Variants in NCF4 observed in about 807,000 individuals in gnomAD.
NCF4 encodes neutrophil cytosol factor 4.
NCF4 carries 30 observed loss-of-function variants against 41.7 expected under a neutral mutation model. The ratio of observed to expected loss-of-function variants is 0.72; its 90% confidence interval spans 0.54 to 0.97. The LOEUF is 0.97. Ranked by LOEUF, NCF4 falls within the 50% of genes least tolerant of loss-of-function variation. NCF4 has a pLI of 0.00. For synonymous variants in NCF4, 195 were observed against 175.8 expected (o/e 1.11, Z -0.87); for missense variants, 432 against 460.9 (o/e 0.94, Z 0.57).
chr22:36,865,049 C>T lies in NCF4; in HGVS notation c.248C>T (p.Ala83Val). Residue 83 changes from alanine (A) to valine (V), a missense_variant, in exon 3 of 10, where the codon GCC becomes GTC. Coordinates refer to ENST00000248899, the MANE Select transcript of NCF4 (RefSeq NM_000631.5). The surrounding 1 kb of genome is among the most constrained non-coding windows in gnomAD (Gnocchi z 4.3). ...CCAGACAGCAAGAGCAGTGCCCTGG[C>T]CTGTACCCTGCCCACACTCCCAGGT... ...FGPDSKSSALACTLPTLPAKV... is the reference protein window; with the variant it reads ...FGPDSKSSALVCTLPTLPAKV... 6.2e-7 allele frequency: 1 copy of T among 1,612,406 alleles called. No individual in the cohort carries two copies. The highest frequency in any genetic ancestry group is 8.5e-7 in the Non-Finnish European group (1 of 1,180,016).
At chr22:36,862,995 C>T (rs1390697424) in intron 1 of NCF4, among the ~76,000 whole-genome samples, 1 of 152,148 alleles carries the variant, frequency 6.6e-6, no homozygotes, top group Non-Finnish European at 1.5e-5. Context: ...GTGTCTTGAG[C>T]CAGAACATCC....
At position 36,861,103 on chromosome 22, in the gene NCF4, G is replaced by C. The variant is rs1939763516; in HGVS notation, c.-69G>C. On this transcript the variant is annotated 5_prime_UTR_variant, in exon 1 of 10. Transcript: ENST00000248899. Reference sequence around the variant, plus strand: ...GAGACGCAGGGTGGCTGGAGGAAGTGAGAGGTGAACTCAGCCTGGGACTGG... The same window carrying C: ...GAGACGCAGGGTGGCTGGAGGAAGTCAGAGGTGAACTCAGCCTGGGACTGG... 6.5e-7 allele frequency: 1 copy of C among 1,542,126 alleles called. No homozygotes were observed. Among genetic ancestry groups the C allele is most frequent in the Non-Finnish European group, 8.8e-7 (1 of 1,138,676 alleles).
At chr22:36,871,947 G>A (rs998253434) in intron 6 of NCF4, among the ~76,000 whole-genome samples, 17 of 152,244 alleles carry the variant, frequency 1.1e-4, no homozygotes, top group African/African-American at 4.8e-5. Flanking sequence ...CCATCCCTAC[G>A]CTCATCCGGA....
chr22:36,877,159 T>G (rs2145729291), intron 9 of NCF4, among the ~76,000 whole-genome samples: 1 of 152,114 alleles, frequency 6.6e-6, no homozygotes, highest in Middle Eastern at 3.4e-3. Context: ...TTTTTTGAGA[T>G]GGAGTCTCAC....
Position 36,865,767 on chromosome 22 carries a change from C to T in NCF4, c.271+695C>T, listed in dbSNP as rs189395168. On this transcript the variant is annotated intron_variant, in intron 3 of 9. Coordinates refer to ENST00000248899, the MANE Select transcript of NCF4 (RefSeq NM_000631.5). This position sits in a 1 kb window ranked among gnomAD's most constrained non-coding sequence, Gnocchi z 4.3. ...GACAGGGACAATTGTCTCCCTTCCC[C>T]AAGCCTCAGGGACCCTTCCCCAAGC... 2.9e-3 allele frequency among the ~76,000 whole-genome samples: 441 copies of T among 152,310 alleles called. 9 individuals carry two copies. The highest frequency in any genetic ancestry group is 1.1e-3 in the Non-Finnish European group (75 of 68,024).
intron 1 of NCF4, 58 bp downstream of exon 1, chr22:36,861,261 G>A (rs1939769099): frequency 1.3e-6 from 2 of 1,530,230 alleles, no homozygotes; most frequent in Non-Finnish European, 1.8e-6. Flanking sequence ...TAGGCCTTAG[G>A]GACAAAGGCC....
chr22:36,866,946 C>T (rs571545056), intron 3 of NCF4, among the ~76,000 whole-genome samples: 60 of 152,070 alleles, frequency 3.9e-4, no homozygotes, highest in Non-Finnish European at 7.9e-4. Context: ...GTCCTGCCCC[C>T]GGAGATTCTG....
At position 36,861,041 on chromosome 22, in the gene NCF4, G is replaced by A; in HGVS notation, c.-131G>A. On this transcript the variant is annotated 5_prime_UTR_variant, in exon 1 of 10. Coordinates refer to ENST00000248899, the MANE Select transcript of NCF4 (RefSeq NM_000631.5). ...GAAGCAGGCCTGAGCCTCCCCAAAGGCAGCTCCTGGGGACTCCCAGGACCA... is the reference window on the plus strand; with the variant it reads ...GAAGCAGGCCTGAGCCTCCCCAAAGACAGCTCCTGGGGACTCCCAGGACCA... The A allele has an allele frequency of 8.0e-7, 1 of 1,248,324 alleles. No individual in the cohort carries two copies. Among genetic ancestry groups the A allele is most frequent in the Non-Finnish European group, 1.1e-6 (1 of 872,296 alleles). 77.3% of individuals were successfully genotyped at this position (1,248,324 alleles called of 1,614,324 possible). A position where few individuals can be genotyped will look rare whatever the true frequency, so the allele number is the denominator to read the frequency against.
chr22:36,875,599 T>C (rs1940173144), intron 7 of NCF4, 54 bp from the exon 8 acceptor site: 1 of 1,539,850 alleles, frequency 6.5e-7, no homozygotes, highest in South Asian at 1.1e-5. Context: ...CTCTGAGGCG[T>C]GGCTCTGCTG....
intron 1 of NCF4, 24 bp from the exon 2 acceptor site, chr22:36,864,021 T>A (rs775317841): frequency 1.7e-5 from 28 of 1,608,274 alleles, no homozygotes; most frequent in Admixed American, 5.0e-5. Context: ...ATAAGCAGGA[T>A]CTCTTTTCCC....
intron 7 of NCF4, among the ~76,000 whole-genome samples, chr22:36,873,319 AGAGATGAGGTTG>A (rs1419978667): frequency 2.4e-5 from 3 of 124,696 alleles, no homozygotes; most frequent in South Asian, 3.0e-4. Context: ...AAGTGAGGTT[AGAGATGAGGTTG>A]GAGATGAGGT....
rs774803615 is a variant in NCF4, at chr22:36,864,160, AACCTCTGAACTTCCACCCAGCTG to A, written c.117+42_117+64del. ...ACAGACTCCTAGTCCTTCACCCAAC[AACCTCTGAACTTCCACCCAGCTG>A]ACCTCTGAACCTTGCCCTCTGACCT... On this transcript the variant is annotated intron_variant, in intron 2 of 9. Coordinates refer to ENST00000248899, the MANE Select transcript of NCF4 (RefSeq NM_000631.5). 3.2e-6 allele frequency: 5 copies of A among 1,553,158 alleles called. No homozygotes were observed. The South Asian group carries it at 5.6e-5, about 17-fold the overall frequency.
chr22:36,872,594 T>G (rs1601553784), intron 7 of NCF4, among the ~76,000 whole-genome samples, 169 bp downstream of exon 7: 1 of 141,960 alleles, frequency 7.0e-6, no homozygotes, highest in Admixed American at 7.0e-5. Context: ...AGGATGGAGG[T>G]GAGATTGGAG....
rs1215343348 is a variant in NCF4, at chr22:36,870,067, A to T, written c.343-348A>T. On this transcript the variant is annotated intron_variant, in intron 4 of 9. Coordinates refer to ENST00000248899, the MANE Select transcript of NCF4 (RefSeq NM_000631.5). ...TAACTCAAGGGATGTCATGAGATGG[A>T]GCAAGGGCGCGCATGTGATACCCAC... The T allele has an allele frequency of 1.6e-5, 6 of 371,054 alleles. No individual in the cohort carries two copies. In the East Asian group the frequency reaches 4.1e-4, roughly 25 times the overall value. 23.0% of individuals were successfully genotyped at this position (371,054 alleles called of 1,614,324 possible). A position where few individuals can be genotyped will look rare whatever the true frequency, so the allele number is the denominator to read the frequency against.
rs1601547578 is a variant in NCF4 at position 36,865,223 on chromosome 22, G to C, written c.271+151G>C. On this transcript the variant is annotated intron_variant, in intron 3 of 9. Coordinates refer to ENST00000248899, the MANE Select transcript of NCF4 (RefSeq NM_000631.5). The surrounding 1 kb of genome is among the most constrained non-coding windows in gnomAD (Gnocchi z 4.3). ...ACTCCCGGCAGTTACAGGCTGCCAAGCCCTCCCTGCATGGCTCCCCCTGCC... is the reference window on the plus strand; with the variant it reads ...ACTCCCGGCAGTTACAGGCTGCCAACCCCTCCCTGCATGGCTCCCCCTGCC... 1 of 1,201,392 alleles carries C rather than the reference G, an allele frequency of 8.3e-7. No individual in the cohort carries two copies. Among genetic ancestry groups the C allele is most frequent in the East Asian group, 2.5e-5 (1 of 39,392 alleles). 74.4% of individuals were successfully genotyped at this position (1,201,392 alleles called of 1,614,324 possible).
intron 7 of NCF4, 74 bp downstream of exon 7, chr22:36,872,499 GA>G (rs1940083541): frequency 7.7e-7 from 1 of 1,293,476 alleles, no homozygotes; most frequent in Non-Finnish European, 1.1e-6. Context: ...AGATAGAGGT[GA>G]GGGTGGAAGT....
At position 36,861,193 on chromosome 22, in the gene NCF4, CG is replaced by C; in HGVS notation, c.25del (p.Ala9ProfsTer37). 2 of 1,551,486 alleles carry C rather than the reference CG, an allele frequency of 1.3e-6. No individual in the cohort carries two copies. The highest frequency in any genetic ancestry group is 2.4e-5 in the East Asian group (1 of 40,924). On this transcript the variant is annotated frameshift_variant, in exon 1 of 10. Transcript: ENST00000248899. LOFTEE classifies it high-confidence loss of function. ...CACCATGGCTGTGGCCCAGCAGCTG[CG>C]GGCCGAGAGGTGAGTGCCGGGGTGT... MAVAQQL[R>X]AESDFEQLPD...
At chr22:36,871,587 C>T in intron 5 of NCF4, 65 bp from the exon 6 acceptor site, 2 of 1,509,072 alleles carry the variant, frequency 1.3e-6, no homozygotes, top group Non-Finnish European at 9.0e-7. Context: ...CCTCTGGACA[C>T]AGGAGCAGGA....
Position 36,870,408 on chromosome 22 carries a change from C to T in NCF4, c.343-7C>T, listed in dbSNP as rs953769128. The T allele has an allele frequency of 6.2e-7, 1 of 1,613,832 alleles. No individual in the cohort carries two copies. ...ACCCCACCGGTTCTGCTGTCTCACC[C>T]ACACAGAGCCTGCTCAGCCTGCCGG... On this transcript the variant is annotated splice_region_variant and splice_polypyrimidine_tract_variant and intron_variant, in intron 4 of 9. Transcript: ENST00000248899.
Sources: gnomAD v4.1 joint callset for allele counts (sites outside exome capture counted in the v4.1 genomes callset) on GRCh38, gnomAD v4.1.1 for gene constraint, Gnocchi (gnomAD v3.1) non-coding constraint, MANE v1.5 for transcripts, NCBI Gene and HGNC (gene_info 2026-07-23, HGNC 2026-07-21) for gene names.